Variants in RNF7 observed in about 807,000 individuals in gnomAD.
RNF7 encodes ring finger protein 7.
In RNF7, 9 loss-of-function variants were observed where a neutral mutation model predicts 17.0. The observed-to-expected ratio is 0.53, with a 90% CI of 0.32 to 0.92. RNF7 has a LOEUF of 0.92. Ranked by LOEUF, RNF7 falls within the 40% of genes least tolerant of loss-of-function variation. The probability of loss-of-function intolerance (pLI) is 0.04; values close to 1 mark genes in which losing one functional copy is unlikely to be tolerated. For missense variants in RNF7, 87 were observed against 145.8 expected (o/e 0.60, Z 2.08); for synonymous variants, 59 against 50.5 (o/e 1.17, Z -0.72).
At chr3:141,743,464 G>A (rs765361213) in intron 1 of RNF7, 45 bp from the exon 2 acceptor site, 10 of 1,498,368 alleles carry the variant, frequency 6.7e-6, no homozygotes, top group Admixed American at 1.8e-5. Context: ...TTTAAAAATT[G>A]CATTCTGAGC....
chr3:141,742,025 A>C (rs1306809855), intron 1 of RNF7, among the ~76,000 whole-genome samples: 3 of 151,786 alleles, frequency 2.0e-5, no homozygotes, highest in African/African-American at 7.3e-5. Context: ...CAGGGCTACA[A>C]GTACAGGGTT....
intron 1 of RNF7, among the ~76,000 whole-genome samples, chr3:141,739,437 C>T (rs1020325294): frequency 6.6e-6 from 1 of 152,154 alleles, no homozygotes; most frequent in Non-Finnish European, 1.5e-5. Flanking sequence ...ACTCAGACCA[C>T]TTTGAAAAGC....
chr3:141,741,999 A>G (rs1331006021), intron 1 of RNF7, among the ~76,000 whole-genome samples: 1 of 151,552 alleles, frequency 6.6e-6, no homozygotes, highest in African/African-American at 2.4e-5. Flanking sequence ...TTTTTTTTTA[A>G]AAAAACTTTT....
chr3:141,742,609 T>C, intron 1 of RNF7: 1 of 1,174,026 alleles, frequency 8.5e-7, no homozygotes, highest in Non-Finnish European at 1.1e-6. Context: ...CCACTTAATA[T>C]ATAAATACCT....
intron 1 of RNF7, chr3:141,742,523 G>GA (rs970663834): frequency 7.0e-6 from 6 of 856,688 alleles, no homozygotes; most frequent in African/African-American, 1.9e-5. Flanking sequence ...TTCTTACAAA[G>GA]AAAAAACCTT....
chr3:141,738,537 C>T, intron 1 of RNF7, 21 bp downstream of exon 1: 4 of 1,582,944 alleles, frequency 2.5e-6, no homozygotes, highest in Non-Finnish European at 3.4e-6. Flanking sequence ...CACGCGAGTC[C>T]AGGGCCGCCC....
intron 1 of RNF7, among the ~76,000 whole-genome samples, chr3:141,739,808 A>G (rs1879286): frequency 0.011 from 1,663 of 152,336 alleles, 28 homozygotes; most frequent in East Asian, 0.07. Context: ...TACATGGATC[A>G]CTTGAGCCCA....
At chr3:141,745,110 T>C in intron 2 of RNF7, 49 bp from the exon 3 acceptor site, 1 of 1,176,510 alleles carries the variant, frequency 8.5e-7, no homozygotes. Context: ...TTGAGTTCAG[T>C]GTTTAAATTG....
At chr3:141,741,647 C>T (rs1376085818) in intron 1 of RNF7, among the ~76,000 whole-genome samples, 4 of 152,164 alleles carry the variant, frequency 2.6e-5, no homozygotes, top group Non-Finnish European at 5.9e-5. Context: ...CATTTTTGCT[C>T]CCTAAAATAT....
chr3:141,743,374 T>A, intron 1 of RNF7, 135 bp from the exon 2 acceptor site: 2 of 593,520 alleles, frequency 3.4e-6, no homozygotes, highest in Non-Finnish European at 5.9e-6. Context: ...TAAGTAGTTA[T>A]GTTCAGATGA....
In RNF7 at chr3:141,738,377, C is replaced by T. The variant is rs2084378643; in HGVS notation, c.36C>T (p.Ala12=). 3 of 1,594,162 alleles carry T rather than the reference C, an allele frequency of 1.9e-6. No homozygotes were observed. The highest frequency in any genetic ancestry group is 8.5e-7 in the Non-Finnish European group (1 of 1,170,872). ...ADVEDGEETC[A]LASHSGSSGS... The stretch of plus-strand genomic sequence containing the variant: ...TGGAAGACGGAGAGGAAACCTGCGC[C>T]CTGGCCTCTCACTCCGGGAGCTCAG... The change falls in exon 1 of 3, where the codon GCC becomes GCT. Residue 12 remains alanine (A), a synonymous_variant. Coordinates refer to ENST00000273480, the MANE Select transcript of RNF7 (RefSeq NM_014245.5).
intron 1 of RNF7, among the ~76,000 whole-genome samples, chr3:141,743,194 A>G (rs1333718939): frequency 2.6e-5 from 4 of 152,184 alleles, no homozygotes; most frequent in African/African-American, 9.7e-5. Flanking sequence ...CAGTAAGCGT[A>G]TGGTAACTTT....
Position 141,744,624 on chromosome 3 carries a change from A to G in RNF7, c.224-535A>G, listed in dbSNP as rs374180441. 5.9e-5 allele frequency among the ~76,000 whole-genome samples: 9 copies of G among 152,224 alleles called. No homozygotes were observed. The South Asian group carries it at 1.9e-3, about 31-fold the overall frequency. ...TTGAAAATTTCATCGTCACATGAGG[A>G]ATTGCACTGCTTATGGGTGACTTAA... On this transcript the variant is annotated intron_variant, in intron 2 of 2. Coordinates refer to ENST00000273480, the MANE Select transcript of RNF7 (RefSeq NM_014245.5).
At position 141,738,359 on chromosome 3, in the gene RNF7, C is replaced by T. The variant is rs150074989; in HGVS notation, c.18C>T (p.Asp6=). The T allele has an allele frequency of 1.3e-5, 20 of 1,579,654 alleles. No homozygotes were observed. The highest frequency in any genetic ancestry group is 1.8e-5 in the Admixed American group (1 of 54,816). The change falls in exon 1 of 3, where the codon GAC becomes GAT. Residue 6 remains aspartate, a synonymous_variant. Transcript: ENST00000273480. MADVE[D]GEETCALASH... ...GCGCCGCCATGGCCGACGTGGAAGA[C>T]GGAGAGGAAACCTGCGCCCTGGCCT...
chr3:141,740,677 G>T (rs1448578107), intron 1 of RNF7, among the ~76,000 whole-genome samples: 3 of 152,168 alleles, frequency 2.0e-5, no homozygotes. Context: ...ATTCTAAAAG[G>T]TGTTATTGTA....
intron 1 of RNF7, among the ~76,000 whole-genome samples, chr3:141,740,489 G>A (rs2084405460): frequency 6.6e-6 from 1 of 152,136 alleles, no homozygotes; most frequent in Non-Finnish European, 1.5e-5. Flanking sequence ...ATTATAGCAA[G>A]TATTCTGCTA....
chr3:141,742,074 C>G (rs1436290569), intron 1 of RNF7, among the ~76,000 whole-genome samples: 1 of 151,716 alleles, frequency 6.6e-6, no homozygotes, highest in Admixed American at 6.6e-5. Context: ...GTTTGTTGCA[C>G]AGATTATTTC....
At chr3:141,741,939 G>A (rs888906373) in intron 1 of RNF7, among the ~76,000 whole-genome samples, 2 of 151,666 alleles carry the variant, frequency 1.3e-5, no homozygotes, top group Admixed American at 1.3e-4. Context: ...CTTTACCATT[G>A]TTGGGTAAAT....
intron 1 of RNF7, among the ~76,000 whole-genome samples, chr3:141,742,165 G>C (rs1424191299): frequency 6.7e-6 from 1 of 149,330 alleles, no homozygotes; most frequent in African/African-American, 2.5e-5. Flanking sequence ...AGGCCCCAGT[G>C]TGTGTTGTTC....
Sources: gnomAD v4.1 joint callset for allele counts (sites outside exome capture counted in the v4.1 genomes callset) on GRCh38, gnomAD v4.1.1 for gene constraint, MANE v1.5 for transcripts, NCBI Gene and HGNC (gene_info 2026-07-23, HGNC 2026-07-21) for gene names.